ADHFE1: variants seen among roughly 807,000 people sequenced by gnomAD.
The protein encoded by ADHFE1 is alcohol dehydrogenase iron containing 1.
ADHFE1 carries 37 observed loss-of-function variants against 54.8 expected under a neutral mutation model. That is an observed-to-expected ratio of 0.68 (90% CI 0.52 to 0.89). The LOEUF is 0.89. Ranked by LOEUF, ADHFE1 falls within the 40% of genes least tolerant of loss-of-function variation. The pLI is 0.00. For synonymous variants in ADHFE1, 203 were observed against 229.3 expected, an observed-to-expected ratio of 0.89 and a Z score of 1.04; for missense variants, 601 against 591.2, an observed-to-expected ratio of 1.02 and a Z score of -0.17.
In ADHFE1 at chr8:66,448,947, C is replaced by CA. The variant is rs752008861; in HGVS notation, c.713dup (p.Asn238LysfsTer5). The CA allele has an allele frequency of 1.2e-6, 2 of 1,614,072 alleles. No individual in the cohort carries two copies. The highest frequency in any genetic ancestry group is 2.7e-5 in the African/African-American group (2 of 75,008). On this transcript the variant is annotated frameshift_variant, in exon 8 of 14. Transcript: ENST00000396623. LOFTEE classifies it high-confidence loss of function. ...TCCACATGCCTGCCCGAGTGGTCGC[C>CA]AACAGTGGCTTTGATGTGCTTTGGT...
At chr8:66,460,553 T>TG in intron 13 of ADHFE1, 88 bp downstream of exon 13, 5 of 1,474,140 alleles carry the variant, frequency 3.4e-6, no homozygotes, top group Non-Finnish European at 4.5e-6. Flanking sequence ...CTAGCAGGGA[T>TG]GGAAACCAGG....
intron 13 of ADHFE1, among the ~76,000 whole-genome samples, chr8:66,467,880 G>A (rs1356599481): frequency 6.6e-6 from 1 of 152,210 alleles, no homozygotes; most frequent in Non-Finnish European, 1.5e-5. Context: ...TTAAGTCCAA[G>A]TTGCAAAATA....
chr8:66,449,104 C>T lies in ADHFE1; in HGVS notation c.734+134C>T. 4.0e-6 allele frequency: 3 copies of T among 749,874 alleles called. No individual in the cohort carries two copies. In the South Asian group the frequency reaches 5.2e-5, roughly 13 times the overall value. The allele number at this position is 749,874 out of a possible 1,614,324, so 46.5% of individuals were successfully genotyped here. A position where few individuals can be genotyped will look rare whatever the true frequency, so the allele number is the denominator to read the frequency against. ...CCCTAGCTTTGGCTGTCATTACCCC[C>T]TGTCCTAAATCAAACATTCAAGCTT... On this transcript the variant is annotated intron_variant, in intron 8 of 13. Transcript: ENST00000396623.
rs540464621 is a variant in ADHFE1, at chr8:66,443,264, A to ATTTTTTTTTTTTT, written c.144+440_144+452dup. On this transcript the variant is annotated intron_variant, in intron 3 of 13. Transcript: ENST00000396623. Reference sequence around the variant, plus strand: ...GTCCCTGTCTCCTCCTAGTCCAGGAATTTTTTTTTTTTTTTTTTTTTTTTT... The same window carrying ATTTTTTTTTTTTT: ...GTCCCTGTCTCCTCCTAGTCCAGGAATTTTTTTTTTTTTTTTTTTTTTTTTTTTTTTTTTTTTT... Among the ~76,000 whole-genome samples, 328 of 86,028 alleles carry ATTTTTTTTTTTTT rather than the reference A, an allele frequency of 3.8e-3. 45 individuals are homozygous for ATTTTTTTTTTTTT. The highest frequency in any genetic ancestry group is 7.5e-3 in the Middle Eastern group (1 of 134). 56.4% of individuals were successfully genotyped at this position (86,028 alleles called of 152,430 possible).
At chr8:66,467,430 G>A (rs1385988784) in intron 13 of ADHFE1, among the ~76,000 whole-genome samples, 1 of 152,106 alleles carries the variant, frequency 6.6e-6, no homozygotes. Flanking sequence ...GCAGATAACT[G>A]TTGAGCATCT....
At chr8:66,441,971 CAA>C (rs1342780853) in intron 2 of ADHFE1, among the ~76,000 whole-genome samples, 8 of 116,348 alleles carry the variant, frequency 6.9e-5, no homozygotes, top group East Asian at 2.4e-4. Flanking sequence ...AACTCCATCT[CAA>C]AAAAAAAAAA....
At chr8:66,456,955 T>A in intron 11 of ADHFE1, 60 bp downstream of exon 11, 35 of 1,451,948 alleles carry the variant, frequency 2.4e-5, no homozygotes, top group Non-Finnish European at 3.1e-5. Context: ...TTTCCATAAA[T>A]ATATTTGCCA....
chr8:66,440,627 T>C (rs909830727), intron 2 of ADHFE1, among the ~76,000 whole-genome samples: 1 of 152,220 alleles, frequency 6.6e-6, no homozygotes, highest in African/African-American at 2.4e-5. Context: ...TATCAGTCTT[T>C]AAAATAATAT....
At chr8:66,462,794 T>C (rs1806971886) in intron 13 of ADHFE1, among the ~76,000 whole-genome samples, 1 of 152,202 alleles carries the variant, frequency 6.6e-6, no homozygotes, top group African/African-American at 2.4e-5. Flanking sequence ...AATTCTACTG[T>C]GGTCAGACTG....
rs891217922 is a variant in ADHFE1, at chr8:66,440,264, T to G, written c.97+65T>G. On this transcript the variant is annotated intron_variant, in intron 2 of 13. Coordinates refer to ENST00000396623, the MANE Select transcript of ADHFE1 (RefSeq NM_144650.3). ...TTCTGCATTTGGCATTATAATACAT[T>G]TGGGTAGTGTATGTAAAGAAAACCA... The G allele has an allele frequency of 6.1e-6, 9 of 1,485,204 alleles. No individual in the cohort carries two copies. The African/African-American group carries it at 8.4e-5, about 14-fold the overall frequency. 92.0% of individuals were successfully genotyped at this position (1,485,204 alleles called of 1,614,324 possible). A position where few individuals can be genotyped will look rare whatever the true frequency, so the allele number is the denominator to read the frequency against.
In ADHFE1 at chr8:66,435,508, G is replaced by A. The variant is rs528484072; in HGVS notation, c.59+2933G>A. Among the ~76,000 whole-genome samples the A allele has an allele frequency of 2.6e-5, 4 of 151,696 alleles. No individual in the cohort carries two copies. In the South Asian group the frequency reaches 6.3e-4, roughly 24 times the overall value. ...TCAGTGCTCACATTTCTGTCTTTTG[G>A]GTCAAATCTCCCTCTGCCTCCCTTT... On this transcript the variant is annotated intron_variant, in intron 1 of 13. Transcript: ENST00000396623.
Position 66,443,264 on chromosome 8 carries a change from A to ATTTTTTTTTTTTTTTT in ADHFE1, c.144+437_144+452dup, listed in dbSNP as rs540464621. Among the ~76,000 whole-genome samples, 37 of 86,092 alleles carry ATTTTTTTTTTTTTTTT rather than the reference A, an allele frequency of 4.3e-4. 7 individuals are homozygous for ATTTTTTTTTTTTTTTT. Among genetic ancestry groups the ATTTTTTTTTTTTTTTT allele is most frequent in the African/African-American group, 5.8e-4 (14 of 24,158 alleles). 56.5% of individuals were successfully genotyped at this position (86,092 alleles called of 152,430 possible). On this transcript the variant is annotated intron_variant, in intron 3 of 13. Coordinates refer to ENST00000396623, the MANE Select transcript of ADHFE1 (RefSeq NM_144650.3). ...GTCCCTGTCTCCTCCTAGTCCAGGAATTTTTTTTTTTTTTTTTTTTTTTTT... is the reference window on the plus strand; with the variant it reads ...GTCCCTGTCTCCTCCTAGTCCAGGAATTTTTTTTTTTTTTTTTTTTTTTTTTTTTTTTTTTTTTTTT...
At chr8:66,463,224 T>C (rs1382276496) in intron 13 of ADHFE1, among the ~76,000 whole-genome samples, 1 of 152,214 alleles carries the variant, frequency 6.6e-6, no homozygotes, top group Non-Finnish European at 1.5e-5. Context: ...GCAACTTAAT[T>C]AGGTATCATT....
At chr8:66,441,566 G>A (rs982781103) in intron 2 of ADHFE1, among the ~76,000 whole-genome samples, 2 of 152,156 alleles carry the variant, frequency 1.3e-5, no homozygotes, top group African/African-American at 4.8e-5. Context: ...TGACTGACCA[G>A]TATTGATATA....
intron 13 of ADHFE1, among the ~76,000 whole-genome samples, chr8:66,464,551 A>G (rs1398286258): frequency 6.6e-6 from 1 of 152,154 alleles, no homozygotes. Flanking sequence ...CTTGCTATGG[A>G]TTTCCAAAAT....
At chr8:66,440,480 G>A (rs181102863) in intron 2 of ADHFE1, among the ~76,000 whole-genome samples, 46 of 152,262 alleles carry the variant, frequency 3.0e-4, no homozygotes, top group African/African-American at 9.4e-4. Flanking sequence ...GCACAGATAG[G>A]ATTTTAAGAA....
chr8:66,432,601 AG>A (rs1563484130), intron 1 of ADHFE1, 26 bp downstream of exon 1: 1 of 1,289,200 alleles, frequency 7.8e-7, no homozygotes, highest in Non-Finnish European at 9.9e-7. Flanking sequence ...GCGGGCGGGC[AG>A]GGGACCGCAG....
At chr8:66,447,190 C>A in intron 6 of ADHFE1, 74 bp from the exon 7 acceptor site, 1 of 1,354,526 alleles carries the variant, frequency 7.4e-7, no homozygotes, top group Non-Finnish European at 1.0e-6. Context: ...GTTCCTCAGT[C>A]CTAAGGCTGA....
At chr8:66,459,079 A>G (rs536085427) in intron 12 of ADHFE1, among the ~76,000 whole-genome samples, 1 of 152,288 alleles carries the variant, frequency 6.6e-6, no homozygotes, top group African/African-American at 2.4e-5. Flanking sequence ...CATGGAAGAG[A>G]AAGCTAAAAA....
Sources: allele counts gnomAD v4.1 joint callset (sites outside exome capture counted in the v4.1 genomes callset), GRCh38; gene constraint gnomAD v4.1.1; transcripts MANE v1.5; gene names NCBI Gene and HGNC (gene_info 2026-07-23, HGNC 2026-07-21).